Variants in COL5A2 observed in about 807,000 individuals in gnomAD.
COL5A2 encodes the protein collagen type V alpha 2 chain.
COL5A2 carries 23 observed loss-of-function variants against 208.2 expected under a neutral mutation model. That is an observed-to-expected ratio of 0.11 (90% CI 0.08 to 0.16). COL5A2 has a LOEUF of 0.16. COL5A2 is among the 10% of genes least tolerant of loss of function. COL5A2 has a pLI of 1.00. For missense variants in COL5A2, 1,590 were observed against 1,956.4 expected (o/e 0.81, Z 3.53); for synonymous variants, 625 against 628.5 (o/e 0.99, Z 0.08).
chr2:189,185,759 G>A (rs1245466074), intron 1 of COL5A2, among the ~76,000 whole-genome samples: 1 of 152,156 alleles, frequency 6.6e-6, no homozygotes, highest in Non-Finnish European at 1.5e-5. Context: ...TTGTTTGCTT[G>A]ATAGCTATTT....
intron 43 of COL5A2, among the ~76,000 whole-genome samples, chr2:189,049,740 C>T (rs2153507972): frequency 6.6e-6 from 1 of 152,286 alleles, no homozygotes; most frequent in Middle Eastern, 3.4e-3. Context: ...TCTAGCTGCC[C>T]TTCTGGAATT....
the COL5A2 span, among the ~76,000 whole-genome samples, chr2:189,303,573 G>T: frequency 1.3e-5 from 2 of 152,248 alleles, no homozygotes; most frequent in East Asian, 3.9e-4. Flanking sequence ...GAAGGACTCT[G>T]TACTTCTACA....
intron 1 of COL5A2, among the ~76,000 whole-genome samples, chr2:189,186,048 TC>T (rs1688847461): frequency 6.6e-6 from 1 of 151,992 alleles, no homozygotes; most frequent in African/African-American, 2.4e-5. Flanking sequence ...TCTTGCTCTC[TC>T]ACCCAGGCTG....
the COL5A2 span, among the ~76,000 whole-genome samples, chr2:189,336,808 T>C: frequency 1.3e-5 from 2 of 152,154 alleles, no homozygotes; most frequent in Non-Finnish European, 2.9e-5. Context: ...GTCAAAATCT[T>C]TGGAATTGTA....
At chr2:189,138,985 A>G in intron 1 of COL5A2, among the ~76,000 whole-genome samples, 1 of 152,242 alleles carries the variant, frequency 6.6e-6, no homozygotes, top group South Asian at 2.1e-4. Flanking sequence ...TTGAAGAGTA[A>G]GTCTCCACTC....
chr2:189,091,585 T>C (rs1686785622), intron 7 of COL5A2, among the ~76,000 whole-genome samples: 1 of 152,206 alleles, frequency 6.6e-6, no homozygotes, highest in Admixed American at 6.5e-5. Flanking sequence ...AAATATACCT[T>C]GTTTTTTAGA....
chr2:189,063,228 T>C lies in COL5A2; in HGVS notation c.1813A>G (p.Ile605Val), dbSNP rs2105590952. Residue 605 changes from isoleucine to valine, a missense_variant, in exon 27 of 54, where the codon ATA (isoleucine) becomes GTA (valine). Physicochemically the swap from Ile to Val is conservative, Grantham distance 29 (BLOSUM62 3). Coordinates refer to ENST00000374866, the MANE Select transcript of COL5A2 (RefSeq NM_000393.5). ...CTCCCGGGCTGCCCTCTGATTCCTATGGAGCCTGGAGGACCTGGACGGCCA... is the reference window on the plus strand; with the variant it reads ...CTCCCGGGCTGCCCTCTGATTCCTACGGAGCCTGGAGGACCTGGACGGCCA... The part of the protein sequence containing the change: ...EDGRPGPPGS[I>V]GIRGQPGSMG... The C allele has an allele frequency of 1.9e-6, 3 of 1,614,176 alleles. No homozygotes were observed. The highest frequency in any genetic ancestry group is 2.5e-6 in the Non-Finnish European group (3 of 1,180,034).
chr2:189,054,834 C>G (rs1234455831), intron 35 of COL5A2, among the ~76,000 whole-genome samples: 1 of 151,610 alleles, frequency 6.6e-6, no homozygotes, highest in African/African-American at 2.4e-5. Flanking sequence ...TCTCAGACTC[C>G]AGAGTAACTG....
chr2:189,430,828 A>G, the COL5A2 span, among the ~76,000 whole-genome samples: 143 of 152,270 alleles, frequency 9.4e-4, 1 homozygote, highest in African/African-American at 3.2e-3. Context: ...TGGTTCTCCC[A>G]GCATGGTGTT....
chr2:189,104,254 T>C lies in COL5A2; in HGVS notation c.336+10A>G. ...CTTATGAAAAAGAAAATATGCAAAGTAACACTTACCTTTCTTCCTCTACCT... is the reference window on the plus strand; with the variant it reads ...CTTATGAAAAAGAAAATATGCAAAGCAACACTTACCTTTCTTCCTCTACCT... On this transcript the variant is annotated intron_variant, in intron 3 of 53. Transcript: ENST00000374866. The C allele has an allele frequency of 6.7e-7, 1 of 1,502,508 alleles. No homozygotes were observed. The highest frequency in any genetic ancestry group is 1.4e-5 in the African/African-American group (1 of 72,664). The allele number at this position is 1,502,508 out of a possible 1,614,324, so 93.1% of individuals were successfully genotyped here.
At chr2:189,368,816 TC>T in the COL5A2 span, among the ~76,000 whole-genome samples, 2 of 152,146 alleles carry the variant, frequency 1.3e-5, no homozygotes, top group African/African-American at 4.8e-5. Flanking sequence ...CCCTACCCAT[TC>T]TGTAGGTACA....
intron 1 of COL5A2, among the ~76,000 whole-genome samples, chr2:189,136,660 T>A (rs1687833411): frequency 6.6e-6 from 1 of 151,438 alleles, no homozygotes; most frequent in Non-Finnish European, 1.5e-5. Flanking sequence ...AAAGAGATAG[T>A]CAAATTTCCA....
At chr2:189,193,558 C>T (rs1366539215) in intron 1 of COL5A2, among the ~76,000 whole-genome samples, 1 of 152,132 alleles carries the variant, frequency 6.6e-6, no homozygotes, top group Non-Finnish European at 1.5e-5. Context: ...CACAACAATA[C>T]CCCACTGAAT....
the COL5A2 span, among the ~76,000 whole-genome samples, chr2:189,318,331 CTT>C: frequency 1.3e-5 from 2 of 152,222 alleles, no homozygotes; most frequent in African/African-American, 2.4e-5. Flanking sequence ...ATAATGCTGA[CTT>C]ATCCTCAAGG....
the COL5A2 span, among the ~76,000 whole-genome samples, chr2:189,420,886 C>G: frequency 6.6e-6 from 1 of 152,076 alleles, no homozygotes; most frequent in Non-Finnish European, 1.5e-5. Flanking sequence ...TTCTTACAAC[C>G]AAATGATACC....
At chr2:189,113,883 T>C (rs1036959834) in intron 1 of COL5A2, among the ~76,000 whole-genome samples, 2 of 152,038 alleles carry the variant, frequency 1.3e-5, no homozygotes, top group Non-Finnish European at 2.9e-5. Context: ...AGGAGTAGCT[T>C]ATCTTCTTCC....
At chr2:189,237,611 T>C in the COL5A2 span, among the ~76,000 whole-genome samples, 169 of 151,968 alleles carry the variant, frequency 1.1e-3, no homozygotes, top group African/African-American at 3.6e-3. Context: ...AGAACATTAC[T>C]GTGGTAAAAG....
chr2:189,427,528 A>G, the COL5A2 span, among the ~76,000 whole-genome samples: 1 of 152,132 alleles, frequency 6.6e-6, no homozygotes, highest in Non-Finnish European at 1.5e-5. Flanking sequence ...GAGGACCACC[A>G]TCCTTCAGAC....
At chr2:189,215,885 A>C (rs1315297422) in intron 1 of COL5A2, among the ~76,000 whole-genome samples, 1 of 152,180 alleles carries the variant, frequency 6.6e-6, no homozygotes, top group African/African-American at 2.4e-5. Context: ...CCAAAGTAGG[A>C]AAGCTCCCAA....
Sources: allele counts gnomAD v4.1 joint callset (sites outside exome capture counted in the v4.1 genomes callset), GRCh38; gene constraint gnomAD v4.1.1; transcripts MANE v1.5; gene names NCBI Gene and HGNC (gene_info 2026-07-23, HGNC 2026-07-21).